The following OSMR variants were observed in gnomAD, a reference collection of about 807,000 sequenced individuals.
OSMR encodes oncostatin-M-specific receptor subunit beta.
A neutral mutation model predicts 99.9 loss-of-function variants in OSMR; 81 were observed. The observed-to-expected ratio is 0.81, with a 90% CI of 0.68 to 0.97. The LOEUF is 0.97. Among genes scored for constraint, OSMR ranks in the 50% least tolerant of loss-of-function variants. The probability of loss-of-function intolerance (pLI) is 0.00; values close to 1 mark genes in which losing one functional copy is unlikely to be tolerated. For missense variants in OSMR, 1,099 were observed against 1,153.4 expected (o/e 0.95, Z 0.68); for synonymous variants, 406 against 410.4 (o/e 0.99, Z 0.13).
At chr5:38,850,413 C>T (rs1191319959) in intron 1 of OSMR, among the ~76,000 whole-genome samples, 1 of 152,156 alleles carries the variant, frequency 6.6e-6, no homozygotes, top group African/African-American at 2.4e-5. Context: ...TCCCTCTCTT[C>T]CTTTATTTTT....
intron 3 of OSMR, among the ~76,000 whole-genome samples, chr5:38,879,387 T>G (rs1052160589): frequency 6.6e-6 from 1 of 152,162 alleles, no homozygotes; most frequent in Non-Finnish European, 1.5e-5. Context: ...AGCTCTGATT[T>G]GAATAGCCGC....
intron 7 of OSMR, among the ~76,000 whole-genome samples, chr5:38,901,671 T>C (rs1008053894): frequency 6.6e-6 from 1 of 152,210 alleles, no homozygotes; most frequent in Non-Finnish European, 1.5e-5. Context: ...GGTAGTTTTT[T>C]CTTGCCAGAG....
At chr5:38,879,912 A>C (rs1029531107) in intron 3 of OSMR, among the ~76,000 whole-genome samples, 9 of 152,186 alleles carry the variant, frequency 5.9e-5, no homozygotes, top group Non-Finnish European at 8.8e-5. Flanking sequence ...CTTAAATTTT[A>C]AAAATATTTA....
intron 1 of OSMR, among the ~76,000 whole-genome samples, chr5:38,847,184 G>C (rs979110548): frequency 1.3e-5 from 2 of 152,122 alleles, no homozygotes; most frequent in Non-Finnish European, 2.9e-5. Flanking sequence ...GAAATTTTTA[G>C]GTTTTATTCC....
chr5:38,929,958 T>G (rs563499331), intron 15 of OSMR, among the ~76,000 whole-genome samples: 1 of 152,316 alleles, frequency 6.6e-6, no homozygotes, highest in South Asian at 2.1e-4. Context: ...AATACATGAT[T>G]AACTATTCTC....
intron 9 of OSMR, among the ~76,000 whole-genome samples, chr5:38,910,203 C>A (rs1264366650): frequency 6.6e-6 from 1 of 152,214 alleles, no homozygotes; most frequent in East Asian, 1.9e-4. Context: ...GCACCTAACA[C>A]AAGAGCGCAC....
At chr5:38,869,930 A>G (rs1158049374) in intron 2 of OSMR, among the ~76,000 whole-genome samples, 1 of 152,144 alleles carries the variant, frequency 6.6e-6, no homozygotes, top group African/African-American at 2.4e-5. Flanking sequence ...TGCTCCTAGT[A>G]ATTATCCATG....
chr5:38,878,345 C>T (rs1742999944), intron 3 of OSMR, among the ~76,000 whole-genome samples: 1 of 152,048 alleles, frequency 6.6e-6, no homozygotes, highest in African/African-American at 2.4e-5. Flanking sequence ...CTCATTCATG[C>T]TGGGGGCTGG....
chr5:38,923,179 T>A lies in OSMR; in HGVS notation c.1795T>A (p.Phe599Ile). The part of the protein sequence containing the change: ...DAFRPGVRYD[F>I]RIYGLSTKRI... ...TTTTAGGCCAGGAGTTCGATATGAC[T>A]TCAGAATTTATGGGTTATCTACAAA... is the stretch of plus-strand genomic sequence containing the variant. The change falls in exon 13 of 18, where the codon TTC becomes ATC. Residue 599 changes from phenylalanine to isoleucine, a missense_variant. Phe to Ile is a conservative substitution (Grantham distance 21). Coordinates refer to ENST00000274276, the MANE Select transcript of OSMR (RefSeq NM_003999.3). 1 of 1,613,360 alleles carries A rather than the reference T, an allele frequency of 6.2e-7. No homozygotes were observed. Among genetic ancestry groups the A allele is most frequent in the Non-Finnish European group, 8.5e-7 (1 of 1,179,290 alleles).
intron 14 of OSMR, chr5:38,924,992 A>G (rs1579804112): frequency 9.5e-6 from 6 of 629,552 alleles, no homozygotes; most frequent in Non-Finnish European, 5.9e-6. Context: ...CCCCTTGTTC[A>G]GTGGATTTTT....
chr5:38,911,871 G>C lies in OSMR; in HGVS notation c.1286-5675G>C, dbSNP rs552538913. Among the ~76,000 whole-genome samples, 219 of 152,260 alleles carry C rather than the reference G, an allele frequency of 1.4e-3. 2 individuals are homozygous for C. The highest frequency in any genetic ancestry group is 9.3e-3 in the South Asian group (45 of 4,824). On this transcript the variant is annotated intron_variant, in intron 9 of 17. Transcript: ENST00000274276. The stretch of plus-strand genomic sequence containing the variant: ...TTGATGAAATTCAATATCCATTCAT[G>C]TTAAAAACTCTCAACAAACTACATG...
At chr5:38,898,467 A>G (rs924838920) in intron 7 of OSMR, among the ~76,000 whole-genome samples, 2 of 152,064 alleles carry the variant, frequency 1.3e-5, no homozygotes, top group Non-Finnish European at 2.9e-5. Flanking sequence ...CCATCCCTTT[A>G]TCTTCAGTCT....
rs1309440448 is a variant in OSMR, at chr5:38,932,881, C to T, written c.2377C>T (p.His793Tyr). Reference protein sequence around the residue: ...LSLIKFKENPHLIIMNVSDCI... With the variant: ...LSLIKFKENPYLIIMNVSDCI... ...TTTGTTTCCTTTCTAGGAGAACCCT[C>T]ACCTAATAATAATGAATGTCAGTGA... Residue 793 changes from histidine (H) to tyrosine (Y), a missense_variant, in exon 18 of 18, where the codon CAC (histidine) becomes TAC (tyrosine). By Grantham distance (83) the His-to-Tyr change is moderately conservative (BLOSUM62 2). Transcript: ENST00000274276. The T allele has an allele frequency of 1.5e-5, 24 of 1,613,696 alleles. No individual in the cohort carries two copies. Among genetic ancestry groups the T allele is most frequent in the Non-Finnish European group, 2.0e-5 (24 of 1,179,762 alleles).
intron 2 of OSMR, among the ~76,000 whole-genome samples, chr5:38,871,136 C>T (rs550436122): frequency 5.9e-5 from 9 of 152,284 alleles, no homozygotes; most frequent in South Asian, 2.1e-4. Context: ...ATGGGGTACT[C>T]GGTTACACAG....
chr5:38,868,997 A>G, intron 1 of OSMR, 35 bp from the exon 2 acceptor site: 1 of 1,607,880 alleles, frequency 6.2e-7, no homozygotes, highest in Non-Finnish European at 8.5e-7. Context: ...TGAAAATTAA[A>G]TAAAATTTTC....
rs1742741160 is a variant in OSMR at position 38,875,455 on chromosome 5, C to T, written c.74-746C>T. On this transcript the variant is annotated intron_variant, in intron 2 of 17. Transcript: ENST00000274276. ...CGCCATTGGTGGTTTATGCAGTCAG[C>T]CTAAGAGATAGGCTGCTGCTTCCCA... Among the ~76,000 whole-genome samples, 3 of 152,192 alleles carry T rather than the reference C, an allele frequency of 2.0e-5. No individual in the cohort carries two copies. In the South Asian group the frequency reaches 6.2e-4, roughly 32 times the overall value.
At chr5:38,896,571 A>G in intron 7 of OSMR, among the ~76,000 whole-genome samples, 1 of 152,242 alleles carries the variant, frequency 6.6e-6, no homozygotes, top group African/African-American at 2.4e-5. Context: ...TTTAACAAAT[A>G]TAAGATAATA....
intron 9 of OSMR, among the ~76,000 whole-genome samples, chr5:38,910,892 C>T (rs1435274518): frequency 6.6e-6 from 1 of 152,126 alleles, no homozygotes; most frequent in Admixed American, 6.6e-5. Flanking sequence ...TGCCTGTAGT[C>T]CCAGCCAGTC....
intron 9 of OSMR, among the ~76,000 whole-genome samples, chr5:38,916,031 T>C (rs1349997633): frequency 6.6e-6 from 1 of 152,190 alleles, no homozygotes; most frequent in Non-Finnish European, 1.5e-5. Context: ...CTACTTCTTG[T>C]TGTACTATTC....
Sources: allele counts gnomAD v4.1 joint callset (sites outside exome capture counted in the v4.1 genomes callset), GRCh38; gene constraint gnomAD v4.1.1; transcripts MANE v1.5; gene names NCBI Gene and HGNC (gene_info 2026-07-23, HGNC 2026-07-21).